Variants in ATP8A1 observed in about 807,000 individuals in gnomAD.
The protein encoded by ATP8A1 is phospholipid-transporting ATPase IA.
Under a neutral mutation model 177.7 loss-of-function variants are expected in ATP8A1, and 90 were observed. The ratio of observed to expected loss-of-function variants is 0.51; its 90% confidence interval spans 0.43 to 0.60. ATP8A1 has a LOEUF of 0.60. Among genes scored for constraint, ATP8A1 ranks in the 20% least tolerant of loss-of-function variants. The pLI is 0.00. For synonymous variants in ATP8A1, 493 were observed against 485.9 expected (o/e 1.01, Z -0.19); for missense variants, 1,072 against 1,392.8 (o/e 0.77, Z 3.67).
chr4:42,539,222 C>T (rs192886911), intron 20 of ATP8A1, among the ~76,000 whole-genome samples: 15 of 150,984 alleles, frequency 9.9e-5, no homozygotes, highest in African/African-American at 3.4e-4. Context: ...TGCAAAGACA[C>T]GAGAATGATA....
At chr4:42,416,305 G>A (rs574320670) in intron 35 of ATP8A1, among the ~76,000 whole-genome samples, 8 of 152,234 alleles carry the variant, frequency 5.3e-5, no homozygotes, top group South Asian at 2.1e-4. Flanking sequence ...AAATGACTAC[G>A]GGAGACTAGA....
chr4:42,522,988 GA>G (rs398107249), intron 21 of ATP8A1, among the ~76,000 whole-genome samples: 4 of 149,566 alleles, frequency 2.7e-5, no homozygotes, highest in Admixed American at 6.8e-5. Context: ...GTTTACAAAG[GA>G]AGAGAGACCC....
chr4:42,438,437 A>AT (rs984578665), intron 33 of ATP8A1, among the ~76,000 whole-genome samples: 26 of 152,056 alleles, frequency 1.7e-4, no homozygotes, highest in Admixed American at 4.6e-4. Context: ...GTTTTTTTAA[A>AT]TTTTTTTTAA....
At chr4:42,605,661 A>G (rs184666975) in intron 5 of ATP8A1, among the ~76,000 whole-genome samples, 16 of 151,988 alleles carry the variant, frequency 1.1e-4, no homozygotes, top group Non-Finnish European at 1.6e-4. Flanking sequence ...TTTTCCCTCA[A>G]CCTTGCTCTG....
intron 20 of ATP8A1, among the ~76,000 whole-genome samples, chr4:42,542,672 T>C (rs530117568): frequency 6.6e-6 from 1 of 151,974 alleles, no homozygotes; most frequent in Non-Finnish European, 1.5e-5. Flanking sequence ...TACTTATGAG[T>C]GAGAACATGC....
rs181211892 is a variant in ATP8A1 at position 42,476,021 on chromosome 4, C to T, written c.2324+9475G>A. Among the ~76,000 whole-genome samples the T allele has an allele frequency of 9.6e-3, 1,456 of 151,932 alleles. 10 individuals carry two copies. Among genetic ancestry groups the T allele is most frequent in the Non-Finnish European group, 0.013 (897 of 67,954 alleles). ...CACCATTGCACCCCAGCCTGGGCGA[C>T]AGAGTGAGACTCCATCTCAAAAAAA... On this transcript the variant is annotated intron_variant, in intron 25 of 36. Transcript: ENST00000381668.
Position 42,444,690 on chromosome 4 carries a change from T to C in ATP8A1, c.2959-56A>G, listed in dbSNP as rs547912421. 6.6e-6 allele frequency: 10 copies of C among 1,513,566 alleles called. No individual in the cohort carries two copies. In the East Asian group the frequency reaches 2.0e-4, roughly 31 times the overall value. The allele number at this position is 1,513,566 out of a possible 1,614,324, so 93.8% of individuals were successfully genotyped here. ...CTCATAAACATGAAAGTTCATCAAA[T>C]GACTGAAGGATTTATAAAGAACAGA... On this transcript the variant is annotated intron_variant, in intron 31 of 36. Transcript: ENST00000381668.
intron 22 of ATP8A1, among the ~76,000 whole-genome samples, chr4:42,517,129 G>T (rs976905256): frequency 6.6e-6 from 1 of 151,640 alleles, no homozygotes; most frequent in Admixed American, 6.6e-5. Flanking sequence ...GTGAAACCCC[G>T]TCTCTACTAA....
intron 23 of ATP8A1, among the ~76,000 whole-genome samples, chr4:42,503,919 G>A (rs889795128): frequency 6.6e-6 from 1 of 152,106 alleles, no homozygotes. Context: ...TCTTGGATCC[G>A]CTGATCCCAT....
intron 10 of ATP8A1, among the ~76,000 whole-genome samples, chr4:42,581,141 A>T (rs947688485): frequency 8.0e-4 from 119 of 148,788 alleles, no homozygotes; most frequent in African/African-American, 2.4e-3. Flanking sequence ...TTCTTTTTTT[A>T]TTTTTTTTTT....
intron 1 of ATP8A1, among the ~76,000 whole-genome samples, chr4:42,632,435 T>C (rs1474452269): frequency 6.6e-6 from 1 of 152,196 alleles, no homozygotes; most frequent in Non-Finnish European, 1.5e-5. Flanking sequence ...ATCCAGTATT[T>C]GCTATGCATA....
chr4:42,638,610 A>T (rs1739624368), intron 1 of ATP8A1, among the ~76,000 whole-genome samples: 1 of 152,244 alleles, frequency 6.6e-6, no homozygotes, highest in South Asian at 2.1e-4. Flanking sequence ...ACGCCATTTC[A>T]TGCTTAACTG....
At chr4:42,637,630 C>A (rs1235146869) in intron 1 of ATP8A1, among the ~76,000 whole-genome samples, 1 of 152,174 alleles carries the variant, frequency 6.6e-6, no homozygotes, top group Admixed American at 6.5e-5. Flanking sequence ...CACTGAGCAC[C>A]AAAGGCAAGA....
At chr4:42,499,007 G>A (rs2153192388) in intron 24 of ATP8A1, among the ~76,000 whole-genome samples, 1 of 152,272 alleles carries the variant, frequency 6.6e-6, no homozygotes, top group East Asian at 1.9e-4. Flanking sequence ...GTATAAATGT[G>A]ATTGTCCCTA....
At chr4:42,484,350 A>C (rs1233642564) in intron 25 of ATP8A1, among the ~76,000 whole-genome samples, 2 of 152,182 alleles carry the variant, frequency 1.3e-5, no homozygotes, top group Admixed American at 6.5e-5. Flanking sequence ...AGAAAAGAAA[A>C]AGAAATTATA....
chr4:42,481,503 A>C (rs1298550234), intron 25 of ATP8A1, among the ~76,000 whole-genome samples: 2 of 152,234 alleles, frequency 1.3e-5, no homozygotes, highest in Non-Finnish European at 2.9e-5. Flanking sequence ...AGCTAGAACA[A>C]GCATTCTGTG....
Position 42,628,774 on chromosome 4 carries a change from T to C in ATP8A1, c.50-1665A>G, listed in dbSNP as rs564172264. On this transcript the variant is annotated intron_variant, in intron 1 of 36. Coordinates refer to ENST00000381668, the MANE Select transcript of ATP8A1 (RefSeq NM_006095.2). ...TATTAGGTCTTCCTTCGTGGTAGCA[T>C]GAAGACCAGAGTGTGCTGTTCCCCG... is the stretch of plus-strand genomic sequence containing the variant. Among the ~76,000 whole-genome samples, 69 of 152,296 alleles carry C rather than the reference T, an allele frequency of 4.5e-4. 1 individual carries two copies. In the South Asian group the frequency reaches 0.013, roughly 28 times the overall value.
chr4:42,461,075 T>C (rs575577009), intron 27 of ATP8A1, among the ~76,000 whole-genome samples: 2 of 152,322 alleles, frequency 1.3e-5, no homozygotes, highest in African/African-American at 4.8e-5. Context: ...TTAAATGTGA[T>C]TAGTCCAAAT....
chr4:42,465,014 G>A lies in ATP8A1; in HGVS notation c.2387C>T (p.Thr796Met), dbSNP rs1000575278. Residue 796 changes from threonine to methionine, a missense_variant, in exon 26 of 37, where the codon ACG becomes ATG. By Grantham distance (81) the Thr-to-Met change is moderately conservative. Coordinates refer to ENST00000381668, the MANE Select transcript of ATP8A1 (RefSeq NM_006095.2). The stretch of plus-strand genomic sequence containing the variant: ...ATTTGCTCCATCACCGATTGCAAGC[G>A]TTACGACTTTGACTTGTTTCTTAAC... ...EMVKKQVKVVTLAIGDGANDV... is the reference protein window; with the variant it reads ...EMVKKQVKVVMLAIGDGANDV... The A allele has an allele frequency of 8.1e-6, 13 of 1,614,054 alleles. No individual in the cohort carries two copies. Among genetic ancestry groups the A allele is most frequent in the Non-Finnish European group, 1.0e-5 (12 of 1,180,034 alleles).
Sources: gnomAD v4.1 joint callset for allele counts (sites outside exome capture counted in the v4.1 genomes callset) on GRCh38, gnomAD v4.1.1 for gene constraint, MANE v1.5 for transcripts, NCBI Gene and HGNC (gene_info 2026-07-23, HGNC 2026-07-21) for gene names.